The following DSCAM variants were observed in gnomAD, a reference collection of about 807,000 sequenced individuals.
The protein encoded by DSCAM is cell adhesion molecule DSCAM.
DSCAM carries 47 observed loss-of-function variants against 217.7 expected under a neutral mutation model. The observed-to-expected ratio is 0.22, with a 90% CI of 0.17 to 0.28. The LOEUF is 0.28. Among genes scored for constraint, DSCAM ranks in the 10% least tolerant of loss-of-function variants. The pLI is 1.00. For synonymous variants in DSCAM, 1,056 were observed against 1,015.3 expected (o/e 1.04, Z -0.76); for missense variants, 2,080 against 2,618.3 (o/e 0.79, Z 4.49).
At chr21:40,351,984 G>C (rs888576423) in intron 5 of DSCAM, among the ~76,000 whole-genome samples, 3 of 152,102 alleles carry the variant, frequency 2.0e-5, no homozygotes, top group Non-Finnish European at 2.9e-5. Flanking sequence ...GTTTGTGCAG[G>C]GATTAGGAAG....
At chr21:40,313,608 ATTAG>A (rs913047198) in intron 8 of DSCAM, among the ~76,000 whole-genome samples, 14 of 152,276 alleles carry the variant, frequency 9.2e-5, no homozygotes, top group African/African-American at 3.4e-4. Context: ...AGCCTTACGG[ATTAG>A]TTATTTATTG....
chr21:40,013,495 C>T, intron 32 of DSCAM, 109 bp from the exon 33 acceptor site: 1 of 748,442 alleles, frequency 1.3e-6, no homozygotes, highest in Non-Finnish European at 2.0e-6. Flanking sequence ...GAGAATGCCG[C>T]TGCACACAGG....
At chr21:40,545,710 T>C (rs1399921863) in intron 3 of DSCAM, among the ~76,000 whole-genome samples, 1 of 152,180 alleles carries the variant, frequency 6.6e-6, no homozygotes, top group Non-Finnish European at 1.5e-5. Context: ...CTGCAGGCAT[T>C]GAGCTGGCAC....
intron 1 of DSCAM, among the ~76,000 whole-genome samples, chr21:40,828,060 G>A (rs1012313812): frequency 1.3e-5 from 2 of 152,142 alleles, no homozygotes; most frequent in African/African-American, 4.8e-5. Context: ...AGAGAAAACA[G>A]AATGTTGATA....
At position 40,338,095 on chromosome 21, in the gene DSCAM, G is replaced by A. The variant is rs770674350; in HGVS notation, c.1783+6C>T. The A allele has an allele frequency of 1.2e-6, 2 of 1,613,090 alleles. No individual in the cohort carries two copies. The highest frequency in any genetic ancestry group is 1.1e-5 in the South Asian group (1 of 90,998). ...GTTGTGTGGGAACCAGGAGAACAGG[G>A]CTTACCTTTCACGGTCACGTGGACG... On this transcript the variant is annotated splice_donor_region_variant and intron_variant, in intron 8 of 32. Coordinates refer to ENST00000400454, the MANE Select transcript of DSCAM (RefSeq NM_001389.5).
rs555516260 is a variant in DSCAM, at chr21:40,042,685, A to C, written c.5384-12T>G. The C allele has an allele frequency of 5.0e-6, 8 of 1,591,008 alleles. No homozygotes were observed. The African/African-American group carries it at 5.3e-5, about 11-fold the overall frequency. The stretch of plus-strand genomic sequence containing the variant: ...GCTTCTTGCTCGATCTACACCAGGA[A>C]AGAGAAAAACAAGACGGACGACTCA... On this transcript the variant is annotated splice_polypyrimidine_tract_variant and intron_variant, in intron 31 of 32. Transcript: ENST00000400454.
intron 1 of DSCAM, among the ~76,000 whole-genome samples, chr21:40,821,062 A>T (rs1029082689): frequency 1.3e-5 from 2 of 150,904 alleles, no homozygotes; most frequent in African/African-American, 4.9e-5. Context: ...AGATATATAT[A>T]TCTTCACATA....
rs1468051170 is a variant in DSCAM at position 40,137,598 on chromosome 21, C to CACACACACACAT, written c.3407-3590_3407-3589insATGTGTGTGTGT. Among the ~76,000 whole-genome samples the CACACACACACAT allele has an allele frequency of 2.3e-3, 66 of 28,426 alleles. 1 individual carries two copies. Among genetic ancestry groups the CACACACACACAT allele is most frequent in the African/African-American group, 4.1e-3 (56 of 13,784 alleles). The allele number at this position is 28,426 out of a possible 152,430, so 18.6% of individuals were successfully genotyped here. ...TGCCTCTGTAGGGCTGTTTAATACACACACACACACACACACACACACACA... is the reference window on the plus strand; with the variant it reads ...TGCCTCTGTAGGGCTGTTTAATACACACACACACACATACACACACACACACACACACACACA... On this transcript the variant is annotated intron_variant, in intron 18 of 32. Transcript: ENST00000400454.
chr21:40,557,939 C>CA lies in DSCAM; in HGVS notation c.508+134870dup, dbSNP rs780355257. Among the ~76,000 whole-genome samples the CA allele has an allele frequency of 3.3e-5, 5 of 152,276 alleles. No individual in the cohort carries two copies. The East Asian group carries it at 5.8e-4, about 18-fold the overall frequency. ...AACAGGATTTTGCTACAAACGTTAG[C>CA]AATACCTGTTTACTGATCCTACAGT... On this transcript the variant is annotated intron_variant, in intron 3 of 32. Transcript: ENST00000400454.
At chr21:40,585,108 C>T (rs1247919467) in intron 3 of DSCAM, among the ~76,000 whole-genome samples, 1 of 151,766 alleles carries the variant, frequency 6.6e-6, no homozygotes, top group African/African-American at 2.4e-5. Context: ...CCTGAGGGCT[C>T]ACCAGAAGCC....
chr21:40,358,897 CA>C (rs1488816844), intron 4 of DSCAM, among the ~76,000 whole-genome samples: 2 of 150,818 alleles, frequency 1.3e-5, no homozygotes, highest in Non-Finnish European at 3.0e-5. Flanking sequence ...ATAAAGAACT[CA>C]AATCCAAAAA....
chr21:40,470,655 G>A (rs992851330), intron 3 of DSCAM, among the ~76,000 whole-genome samples: 1 of 152,158 alleles, frequency 6.6e-6, no homozygotes, highest in Admixed American at 6.5e-5. Flanking sequence ...CCCAGCTCAA[G>A]AGATCCTCCC....
intron 11 of DSCAM, among the ~76,000 whole-genome samples, chr21:40,204,927 T>G (rs539903785): frequency 6.6e-6 from 1 of 152,352 alleles, no homozygotes; most frequent in South Asian, 2.1e-4. Flanking sequence ...GGTAAACAGA[T>G]GCATGGCACA....
rs1180514192 is a variant in DSCAM at position 40,324,182 on chromosome 21, T to C, written c.1784-11823A>G. Among the ~76,000 whole-genome samples the C allele has an allele frequency of 2.0e-5, 3 of 148,134 alleles. No individual in the cohort carries two copies. In the East Asian group the frequency reaches 5.9e-4, roughly 29 times the overall value. On this transcript the variant is annotated intron_variant, in intron 8 of 32. Coordinates refer to ENST00000400454, the MANE Select transcript of DSCAM (RefSeq NM_001389.5). ...AGGAAATAAAAGGAAGGCAAATAAC[T>C]TTTTTCCCAAAAATTGTTTAAAATT...
intron 30 of DSCAM, 137 bp downstream of exon 30, chr21:40,051,821 T>G (rs1310504219): frequency 1.8e-6 from 2 of 1,081,316 alleles, no homozygotes; most frequent in Admixed American, 2.8e-5. Flanking sequence ...TTATCCCAAT[T>G]AGGGATGTTA....
At chr21:40,499,179 A>G (rs1393194103) in intron 3 of DSCAM, among the ~76,000 whole-genome samples, 1 of 152,156 alleles carries the variant, frequency 6.6e-6, no homozygotes, top group African/African-American at 2.4e-5. Context: ...GCAGACTATA[A>G]AAGATTGAAA....
At chr21:40,611,057 A>ATTTTTTTTTTT (rs527262141) in intron 3 of DSCAM, among the ~76,000 whole-genome samples, 1 of 129,806 alleles carries the variant, frequency 7.7e-6, no homozygotes, top group African/African-American at 2.8e-5. Flanking sequence ...TTAGTTTTCA[A>ATTTTTTTTTTT]TTTTTTTTTT....
At chr21:40,318,170 T>C (rs904221952) in intron 8 of DSCAM, among the ~76,000 whole-genome samples, 6 of 116,118 alleles carry the variant, frequency 5.2e-5, no homozygotes, top group South Asian at 3.4e-4. Flanking sequence ...GAACATCACA[T>C]TCTGGGTACT....
chr21:40,498,683 A>G lies in DSCAM; in HGVS notation c.509-129438T>C, dbSNP rs1347817501. Among the ~76,000 whole-genome samples the G allele has an allele frequency of 4.4e-4, 3 of 6,778 alleles. 1 individual carries two copies. In the African/African-American group the frequency reaches 4.5e-3, roughly 10 times the overall value. The allele number at this position is 6,778 out of a possible 152,430, so 4.4% of individuals were successfully genotyped here. A position where few individuals can be genotyped will look rare whatever the true frequency, so the allele number is the denominator to read the frequency against. ...TATATATACCCATATATATATATAT[A>G]TATATATATATATAGATATATATAT... is the stretch of plus-strand genomic sequence containing the variant. On this transcript the variant is annotated intron_variant, in intron 3 of 32. Transcript: ENST00000400454.
Sources: allele counts gnomAD v4.1 joint callset (sites outside exome capture counted in the v4.1 genomes callset), GRCh38; gene constraint gnomAD v4.1.1; transcripts MANE v1.5; gene names NCBI Gene and HGNC (gene_info 2026-07-23, HGNC 2026-07-21).